The following RAD51B variants were observed in gnomAD, a reference collection of about 807,000 sequenced individuals.
The protein encoded by RAD51B is RAD51 paralog B.
In RAD51B, 38 loss-of-function variants were observed where a neutral mutation model predicts 42.2. That is an observed-to-expected ratio of 0.90 (90% CI 0.70 to 1.18). The LOEUF is 1.18. Among genes scored for constraint, RAD51B ranks in the 50% most tolerant of loss-of-function variants. The pLI is 0.00. For missense variants in RAD51B, 373 were observed against 400.7 expected (o/e 0.93, Z 0.59); for synonymous variants, 154 against 145.2 (o/e 1.06, Z -0.43).
chr14:68,660,048 A>G (rs922281806), intron 11 of RAD51B, among the ~76,000 whole-genome samples: 1 of 152,228 alleles, frequency 6.6e-6, no homozygotes, highest in African/African-American at 2.4e-5. Flanking sequence ...CGAATAAGCC[A>G]TGGATTACGA....
intron 10 of RAD51B, among the ~76,000 whole-genome samples, chr14:68,496,925 A>C (rs188427783): frequency 6.6e-6 from 1 of 152,134 alleles, no homozygotes; most frequent in Non-Finnish European, 1.5e-5. Context: ...TGAAATTCCA[A>C]ATCTTTTCTG....
At chr14:68,638,210 G>A (rs914331192) in intron 10 of RAD51B, among the ~76,000 whole-genome samples, 4 of 152,216 alleles carry the variant, frequency 2.6e-5, no homozygotes, top group East Asian at 3.8e-4. Flanking sequence ...TGTAGGCCAC[G>A]TGAAGGGTCT....
chr14:68,163,499 T>A (rs1045489046), intron 7 of RAD51B, among the ~76,000 whole-genome samples: 2 of 152,200 alleles, frequency 1.3e-5, no homozygotes, highest in South Asian at 4.1e-4. Flanking sequence ...GTCGTGCCCA[T>A]TTTTTTGGCC....
intron 7 of RAD51B, among the ~76,000 whole-genome samples, chr14:68,083,422 G>A (rs1296922645): frequency 4.6e-5 from 7 of 151,962 alleles, no homozygotes; most frequent in Admixed American, 3.3e-4. Flanking sequence ...ATTGCCTGGA[G>A]CACAAAAAAG....
intron 7 of RAD51B, among the ~76,000 whole-genome samples, chr14:67,907,762 T>G (rs903713124): frequency 1.3e-5 from 2 of 152,136 alleles, no homozygotes; most frequent in Non-Finnish European, 2.9e-5. Context: ...TGTATCATGT[T>G]GTAGAAAGAA....
At chr14:68,002,702 G>A (rs1167867697) in intron 7 of RAD51B, among the ~76,000 whole-genome samples, 2 of 152,114 alleles carry the variant, frequency 1.3e-5, no homozygotes, top group African/African-American at 4.8e-5. Context: ...GTTGATTTTT[G>A]TATATGGTGT....
intron 7 of RAD51B, among the ~76,000 whole-genome samples, chr14:67,887,824 G>A (rs2043107832): frequency 6.6e-6 from 1 of 152,156 alleles, no homozygotes. Flanking sequence ...AAGATGACAG[G>A]CTATTACAAG....
At chr14:68,183,337 C>T (rs770006822) in intron 7 of RAD51B, among the ~76,000 whole-genome samples, 3 of 145,518 alleles carry the variant, frequency 2.1e-5, no homozygotes, top group East Asian at 2.1e-4. Flanking sequence ...GATGTTCAAG[C>T]GCAGGAAGCA....
intron 9 of RAD51B, among the ~76,000 whole-genome samples, chr14:68,457,899 C>A (rs1473427438): frequency 1.3e-5 from 2 of 149,242 alleles, no homozygotes; most frequent in East Asian, 3.9e-4. Flanking sequence ...AGGCGTGAGC[C>A]ACTGCGCCCA....
intron 8 of RAD51B, among the ~76,000 whole-genome samples, chr14:68,379,788 C>T (rs1419620108): frequency 6.6e-6 from 1 of 152,192 alleles, no homozygotes; most frequent in Non-Finnish European, 1.5e-5. Context: ...CCAGGGACAT[C>T]ACATTTTAAT....
At chr14:68,307,411 CT>C (rs2081890067) in intron 8 of RAD51B, among the ~76,000 whole-genome samples, 1 of 152,186 alleles carries the variant, frequency 6.6e-6, no homozygotes, top group Non-Finnish European at 1.5e-5. Flanking sequence ...GATTCACAGC[CT>C]TACTTAGGTA....
chr14:68,524,169 G>A (rs1040741335), intron 10 of RAD51B, among the ~76,000 whole-genome samples: 3 of 152,122 alleles, frequency 2.0e-5, no homozygotes, highest in African/African-American at 7.2e-5. Context: ...CAGAGGTCAA[G>A]CCACCTTCCC....
At chr14:68,482,298 T>C (rs1181886808), downstream of RAD51B, among the ~76,000 whole-genome samples, 1 of 152,054 alleles carries the variant, frequency 6.6e-6, no homozygotes, top group Non-Finnish European at 1.5e-5. Context: ...TTCAGAAATG[T>C]GTGGTCCCCG....
At chr14:68,613,615 G>A (rs1891758574), downstream of RAD51B, among the ~76,000 whole-genome samples, 2 of 151,792 alleles carry the variant, frequency 1.3e-5, no homozygotes, top group South Asian at 2.1e-4. Context: ...CACCACACCC[G>A]GCTAGTTTTT....
rs534338054 is a variant in RAD51B at position 67,996,477 on chromosome 14, C to A, written c.756+109273C>A. Among the ~76,000 whole-genome samples, 4 of 151,878 alleles carry A rather than the reference C, an allele frequency of 2.6e-5. No homozygotes were observed. In the South Asian group the frequency reaches 8.3e-4, roughly 32 times the overall value. On this transcript the variant is annotated intron_variant, in intron 7 of 10. Coordinates refer to ENST00000471583, the MANE Select transcript of RAD51B (RefSeq NM_133510.4). Reference sequence around the variant, plus strand: ...AAAAGATGTTCCATAACGGTGAAATCTCAGCAAAACCTGAAGGAAGTAAGC... The same window carrying A: ...AAAAGATGTTCCATAACGGTGAAATATCAGCAAAACCTGAAGGAAGTAAGC...
intron 7 of RAD51B, among the ~76,000 whole-genome samples, chr14:68,199,762 A>C (rs972398852): frequency 2.0e-5 from 3 of 152,148 alleles, no homozygotes; most frequent in Non-Finnish European, 4.4e-5. Flanking sequence ...CTGCCATTCA[A>C]TAATAGCTTG....
At chr14:68,496,986 G>A (rs1294890921) in intron 10 of RAD51B, 2 of 760,814 alleles carry the variant, frequency 2.6e-6, no homozygotes, top group East Asian at 1.0e-4. Flanking sequence ...AAATGAGGTT[G>A]GAACAAACAG....
Position 67,825,513 on chromosome 14 carries a change from G to A in RAD51B, c.134G>A (p.Ser45Asn), listed in dbSNP as rs925254316. The change falls in exon 3 of 11, where the codon AGT becomes AAT. Residue 45 changes from serine (S) to asparagine (N), a missense_variant. By Grantham distance (46) the Ser-to-Asn change is conservative. Coordinates refer to ENST00000471583, the MANE Select transcript of RAD51B (RefSeq NM_133510.4). Reference protein sequence around the residue: ...PLELMKVTGLSYRGVHELLCM... With the variant: ...PLELMKVTGLNYRGVHELLCM... Reference sequence around the variant, plus strand: ...GAGCTTATGAAGGTGACTGGTCTGAGTTATCGAGGTGTCCATGAACTTCTA... The same window carrying A: ...GAGCTTATGAAGGTGACTGGTCTGAATTATCGAGGTGTCCATGAACTTCTA... The A allele has an allele frequency of 1.9e-6, 3 of 1,613,722 alleles. No individual in the cohort carries two copies. Among genetic ancestry groups the A allele is most frequent in the Admixed American group, 3.3e-5 (2 of 59,978 alleles).
At position 68,331,367 on chromosome 14, in the gene RAD51B, C is replaced by CAAAAAAA. The variant is rs778136542; in HGVS notation, c.853+39399_853+39405dup. ...TGGGCTACAGAACGAGACTCTGTCT[C>CAAAAAAA]AAAAAAAAAAAAAAAAAAGCAATGG... is the stretch of plus-strand genomic sequence containing the variant. On this transcript the variant is annotated intron_variant, in intron 8 of 10. Transcript: ENST00000471583. 1.2e-3 allele frequency among the ~76,000 whole-genome samples: 39 copies of CAAAAAAA among 32,938 alleles called. 9 individuals are homozygous for CAAAAAAA. Among genetic ancestry groups the CAAAAAAA allele is most frequent in the South Asian group, 3.1e-3 (2 of 642 alleles). The allele number at this position is 32,938 out of a possible 152,430, so 21.6% of individuals were successfully genotyped here.
Sources: gnomAD v4.1 joint callset for allele counts (sites outside exome capture counted in the v4.1 genomes callset) on GRCh38, gnomAD v4.1.1 for gene constraint, MANE v1.5 for transcripts, NCBI Gene and HGNC (gene_info 2026-07-23, HGNC 2026-07-21) for gene names.